Variants in MACO1 observed in about 807,000 individuals in gnomAD.
The protein encoded by MACO1 is macoilin.
Under a neutral mutation model 78.7 loss-of-function variants are expected in MACO1, and 14 were observed. The observed-to-expected ratio is 0.18, with a 90% confidence interval of 0.12 to 0.28. MACO1 has a LOEUF of 0.28. Ranked by LOEUF, MACO1 falls within the 10% of genes least tolerant of loss-of-function variation. The pLI, the probability that MACO1 is intolerant of heterozygous loss-of-function variation, is 1.00. For missense variants in MACO1, 501 were observed against 799.0 expected, an observed-to-expected ratio of 0.63 and a Z score of 4.50; for synonymous variants, 288 against 291.6, an observed-to-expected ratio of 0.99 and a Z score of 0.12.
At chr1:25,475,469 T>G (rs1349257981) in intron 6 of MACO1, among the ~76,000 whole-genome samples, 1 of 150,578 alleles carries the variant, frequency 6.6e-6, no homozygotes, top group Non-Finnish European at 1.5e-5. Flanking sequence ...CTGAACACTT[T>G]GAGAGGCCGA....
chr1:25,484,765 C>T (rs1356760087), intron 7 of MACO1, among the ~76,000 whole-genome samples: 1 of 152,182 alleles, frequency 6.6e-6, no homozygotes, highest in East Asian at 1.9e-4. Context: ...TACTTCTTAA[C>T]TCAGTGTAGG....
At position 25,485,925 on chromosome 1, in the gene MACO1, T is replaced by A; in HGVS notation, c.1496+130T>A. On this transcript the variant is annotated intron_variant, in intron 8 of 10. Transcript: ENST00000374343. This position sits in a 1 kb window ranked among gnomAD's most constrained non-coding sequence, Gnocchi z 4.3. ...GCACGGATGGATTGCTTTTAAGTACTGTTTTATTAACTGGTTTAAACTCCA... is the reference window on the plus strand; with the variant it reads ...GCACGGATGGATTGCTTTTAAGTACAGTTTTATTAACTGGTTTAAACTCCA... 3 of 1,008,264 alleles carry A rather than the reference T, an allele frequency of 3.0e-6. No individual in the cohort carries two copies. Among genetic ancestry groups the A allele is most frequent in the Non-Finnish European group, 4.4e-6 (3 of 679,380 alleles). 62.5% of individuals were successfully genotyped at this position (1,008,264 alleles called of 1,614,324 possible).
At chr1:25,490,588 T>A (rs1243727142) in intron 9 of MACO1, among the ~76,000 whole-genome samples, 5 of 152,180 alleles carry the variant, frequency 3.3e-5, no homozygotes, top group African/African-American at 1.2e-4. Context: ...TTTTAAAATC[T>A]CACCAATGAG....
intron 6 of MACO1, among the ~76,000 whole-genome samples, chr1:25,473,297 A>G (rs1458474639): frequency 1.3e-5 from 2 of 152,204 alleles, no homozygotes; most frequent in Non-Finnish European, 2.9e-5. Context: ...GCATGATTTT[A>G]TACTTAAACA....
Position 25,448,711 on chromosome 1 carries a change from GT to G in MACO1, c.223-94del, listed in dbSNP as rs572326297. On this transcript the variant is annotated intron_variant, in intron 2 of 10. Coordinates refer to ENST00000374343, the MANE Select transcript of MACO1 (RefSeq NM_018202.6). Reference sequence around the variant, plus strand: ...ACAGTTACCAAGTTATCTCTTAGCAGTTTCAATAATTTTGTCCAACATGTGT... The same window carrying G: ...ACAGTTACCAAGTTATCTCTTAGCAGTTCAATAATTTTGTCCAACATGTGT... 1.6e-5 allele frequency: 19 copies of G among 1,169,744 alleles called. No individual in the cohort carries two copies. In the East Asian group the frequency reaches 4.4e-4, roughly 27 times the overall value. 72.5% of individuals were successfully genotyped at this position (1,169,744 alleles called of 1,614,324 possible).
At chr1:25,498,171 C>T in intron 10 of MACO1, 93 bp from the exon 11 acceptor site, 1 of 1,305,980 alleles carries the variant, frequency 7.7e-7, no homozygotes, top group Non-Finnish European at 1.1e-6. Context: ...GAGCTGTTCA[C>T]ACTGAACCGA....
At chr1:25,488,145 G>A (rs1048984820) in intron 8 of MACO1, among the ~76,000 whole-genome samples, 3 of 152,150 alleles carry the variant, frequency 2.0e-5, no homozygotes, top group African/African-American at 7.2e-5. Flanking sequence ...TGAAACTCCT[G>A]GGCTCAAGTT....
At chr1:25,456,031 G>A (rs1478681764) in intron 4 of MACO1, among the ~76,000 whole-genome samples, 6 of 152,182 alleles carry the variant, frequency 3.9e-5, no homozygotes, top group African/African-American at 1.2e-4. Flanking sequence ...AGGCCAAGGC[G>A]AGTGGATCAC....
intron 10 of MACO1, among the ~76,000 whole-genome samples, chr1:25,496,552 G>C (rs927000074): frequency 1.3e-5 from 2 of 152,170 alleles, no homozygotes; most frequent in Non-Finnish European, 2.9e-5. Context: ...AAGCTACATA[G>C]AATGATGAAA....
intron 6 of MACO1, among the ~76,000 whole-genome samples, chr1:25,460,302 A>G (rs970982381): frequency 2.6e-5 from 4 of 152,112 alleles, no homozygotes; most frequent in Admixed American, 2.6e-4. Flanking sequence ...TGGGAGAAAG[A>G]CCAATTAGTT....
In MACO1 at chr1:25,498,476, G is replaced by A; in HGVS notation, c.*10G>A. 1 of 1,587,782 alleles carries A rather than the reference G, an allele frequency of 6.3e-7. No homozygotes were observed. Among genetic ancestry groups the A allele is most frequent in the Non-Finnish European group, 8.5e-7 (1 of 1,169,860 alleles). On this transcript the variant is annotated 3_prime_UTR_variant, in exon 11 of 11. Transcript: ENST00000374343. Reference sequence around the variant, plus strand: ...GCCCCTGAAGAAATGAAGGCCAGCTGTGTGTTGTGCCCAAAAATTTGGTTA... The same window carrying A: ...GCCCCTGAAGAAATGAAGGCCAGCTATGTGTTGTGCCCAAAAATTTGGTTA...
intron 6 of MACO1, among the ~76,000 whole-genome samples, chr1:25,464,812 ATGCC>A (rs2043203559): frequency 6.6e-6 from 1 of 151,118 alleles, no homozygotes; most frequent in African/African-American, 2.4e-5. Context: ...ACCCACCACC[ATGCC>A]CAGCTAATTT....
At chr1:25,447,705 A>G (rs1341136390) in intron 2 of MACO1, among the ~76,000 whole-genome samples, 2 of 152,218 alleles carry the variant, frequency 1.3e-5, no homozygotes, top group Non-Finnish European at 2.9e-5. Context: ...AAAGGCAGAT[A>G]ACATCTTAGT....
chr1:25,431,337 G>C (rs1571942106), intron 1 of MACO1, among the ~76,000 whole-genome samples, 159 bp downstream of exon 1: 2 of 146,510 alleles, frequency 1.4e-5, no homozygotes, highest in Non-Finnish European at 3.0e-5. Flanking sequence ...CGCCCGCCGG[G>C]GTCCGCCCCG....
chr1:25,442,815 A>G (rs1300711894), intron 1 of MACO1, among the ~76,000 whole-genome samples: 1 of 152,212 alleles, frequency 6.6e-6, no homozygotes, highest in Non-Finnish European at 1.5e-5. Flanking sequence ...GGAAGCTTAC[A>G]AGACCATCAG....
At chr1:25,455,191 A>G (rs1285224582) in intron 4 of MACO1, among the ~76,000 whole-genome samples, 1 of 152,196 alleles carries the variant, frequency 6.6e-6, no homozygotes, top group Non-Finnish European at 1.5e-5. Context: ...CCTATTTATA[A>G]AAGTAAGAGA....
At position 25,485,134 on chromosome 1, in the gene MACO1, G is replaced by C. The variant is rs1393580470; in HGVS notation, c.1314-479G>C. ...GGGACACTGTGAGCAAACATCCTGA[G>C]CTGGAAAGGAAAAGCTGTAGTAGGC... On this transcript the variant is annotated intron_variant, in intron 7 of 10. Coordinates refer to ENST00000374343, the MANE Select transcript of MACO1 (RefSeq NM_018202.6). The surrounding 1 kb of genome is among the most constrained non-coding windows in gnomAD (Gnocchi z 4.3). 6.6e-6 allele frequency among the ~76,000 whole-genome samples: 1 copy of C among 152,164 alleles called. No homozygotes were observed. The highest frequency in any genetic ancestry group is 2.4e-5 in the African/African-American group (1 of 41,438).
intron 6 of MACO1, among the ~76,000 whole-genome samples, chr1:25,459,752 C>T (rs2124587317): frequency 6.6e-6 from 1 of 152,302 alleles, no homozygotes; most frequent in East Asian, 1.9e-4. Context: ...CCTGGGATTA[C>T]AGATGTGAGC....
intron 10 of MACO1, among the ~76,000 whole-genome samples, chr1:25,493,294 A>G (rs1482946738): frequency 6.6e-6 from 1 of 152,322 alleles, no homozygotes; most frequent in Non-Finnish European, 1.5e-5. Flanking sequence ...GCTGGAGTGC[A>G]GTGGCACAGT....
Sources: gnomAD v4.1 joint callset for allele counts (sites outside exome capture counted in the v4.1 genomes callset) on GRCh38, gnomAD v4.1.1 for gene constraint, Gnocchi (gnomAD v3.1) non-coding constraint, MANE v1.5 for transcripts, NCBI Gene and HGNC (gene_info 2026-07-23, HGNC 2026-07-21) for gene names.